The following KLKB1 variants were observed in gnomAD, a reference collection of about 807,000 sequenced individuals.
KLKB1 encodes the protein plasma kallikrein.
A neutral mutation model predicts 73.6 loss-of-function variants in KLKB1; 58 were observed. The observed-to-expected ratio is 0.79, with a 90% CI of 0.64 to 0.98. The LOEUF (loss-of-function observed/expected upper bound fraction) is 0.98, where lower values mean the gene tolerates loss of function less well. Ranked by LOEUF, KLKB1 falls within the 50% of genes least tolerant of loss-of-function variation. The probability of loss-of-function intolerance (pLI) is 0.00; values close to 1 mark genes in which losing one functional copy is unlikely to be tolerated. For missense variants in KLKB1, 737 were observed against 763.8 expected (o/e 0.96, Z 0.41); for synonymous variants, 280 against 258.1 (o/e 1.08, Z -0.81).
chr4:186,258,198 C>A lies in KLKB1; in HGVS notation c.1903C>A (p.Gln635Lys), dbSNP rs1390137184. 6.2e-7 allele frequency: 1 copy of A among 1,613,960 alleles called. No individual in the cohort carries two copies. The highest frequency in any genetic ancestry group is 1.7e-5 in the Admixed American group (1 of 59,986). ...GAGCAGTGATGGAAAAGCTCAGATG[C>A]AGTCACCAGCATGAGAAGCAGTCCA... is the stretch of plus-strand genomic sequence containing the variant. ...TQSSDGKAQMQSPA is the reference protein window; with the variant it reads ...TQSSDGKAQMKSPA Residue 635 changes from glutamine to lysine, a missense_variant, in exon 15 of 15, where the codon CAG (glutamine) becomes AAG (lysine). Coordinates refer to ENST00000264690, the MANE Select transcript of KLKB1 (RefSeq NM_000892.5).
intron 5 of KLKB1, 128 bp from the exon 6 acceptor site, chr4:186,238,128 G>T: frequency 4.2e-6 from 3 of 716,806 alleles, no homozygotes; most frequent in Non-Finnish European, 2.6e-6. Flanking sequence ...TAATAATGCA[G>T]ACCCCTAACC....
rs1324390202 is a variant in KLKB1, at chr4:186,251,222, T to C, written c.762T>C (p.Asn254=). 6.3e-7 allele frequency: 1 copy of C among 1,589,960 alleles called. No individual in the cohort carries two copies. Among genetic ancestry groups the C allele is most frequent in the Non-Finnish European group, 8.6e-7 (1 of 1,159,222 alleles). ...TGCTTTTTTTTAAAAAAAATAGAAA[T>C]GTTTGTCTTCTTAAAACATCTGAAA... ...TNVWKIESQR[N]VCLLKTSESG... Residue 254 remains asparagine (N), a synonymous_variant, in exon 8 of 15, where the codon AAT becomes AAC. Transcript: ENST00000264690.
intron 6 of KLKB1, among the ~76,000 whole-genome samples, chr4:186,242,678 A>G (rs1561457627): frequency 6.6e-6 from 1 of 152,188 alleles, no homozygotes; most frequent in Non-Finnish European, 1.5e-5. Context: ...AGGACCCAGG[A>G]CATCTAATTA....
rs374887125 is a variant in KLKB1 at position 186,257,370 on chromosome 4, C to T, written c.1725+5C>T. The T allele has an allele frequency of 1.6e-4, 255 of 1,572,782 alleles. No individual in the cohort carries two copies. Among genetic ancestry groups the T allele is most frequent in the Admixed American group, 2.8e-4 (16 of 56,858 alleles). The stretch of plus-strand genomic sequence containing the variant: ...GGGGGAAAAGATGCTTGTAAGGTAA[C>T]TCATGAGATTATGAAAAACACAATA... On this transcript the variant is annotated splice_donor_5th_base_variant and intron_variant, in intron 14 of 14. Transcript: ENST00000264690.
chr4:186,258,140 TGAGTACATGGACTG>T lies in KLKB1; in HGVS notation c.1848_1861del (p.Glu616AspfsTer9), dbSNP rs774494579. On this transcript the variant is annotated frameshift_variant, in exon 15 of 15. Coordinates refer to ENST00000264690, the MANE Select transcript of KLKB1 (RefSeq NM_000892.5). LOFTEE classifies it low-confidence loss of function (END_TRUNC). ...AACCTGGTGTCTACACCAAAGTCGCTGAGTACATGGACTGGATTTTAGAGAAAACACAGAGCAGT... is the reference window on the plus strand; with the variant it reads ...AACCTGGTGTCTACACCAAAGTCGCTGATTTTAGAGAAAACACAGAGCAGT... 14 of 1,614,078 alleles carry T rather than the reference TGAGTACATGGACTG, an allele frequency of 8.7e-6. No homozygotes were observed. The African/African-American group carries it at 1.5e-4, about 17-fold the overall frequency.
At chr4:186,233,572 A>C (rs4253340) in intron 3 of KLKB1, among the ~76,000 whole-genome samples, 3,703 of 152,356 alleles carry the variant, frequency 0.024, 156 homozygotes, top group African/African-American at 0.085. Flanking sequence ...GGAGTTAATA[A>C]GCAAGATGAA....
chr4:186,251,790 C>T lies in KLKB1; in HGVS notation c.1073C>T (p.Thr358Ile), dbSNP rs1738691414. 6.2e-6 allele frequency: 10 copies of T among 1,614,022 alleles called. No individual in the cohort carries two copies. The highest frequency in any genetic ancestry group is 1.3e-5 in the African/African-American group (1 of 75,024). Residue 358 changes from threonine to isoleucine, a missense_variant, in exon 10 of 15, where the codon ACT becomes ATT. By Grantham distance (89) the Thr-to-Ile change is moderately conservative (BLOSUM62 -1). Coordinates refer to ENST00000264690, the MANE Select transcript of KLKB1 (RefSeq NM_000892.5). ...FLRLSMDGSP[T>I]RIAYGTQGSS... ...AGATTATCTATGGATGGTTCTCCAA[C>T]TAGGATTGCGTATGGGACACAAGGG...
rs4253248 is a variant in KLKB1 at position 186,234,334 on chromosome 4, G to A, written c.328+276G>A. On this transcript the variant is annotated intron_variant, in intron 4 of 14. Coordinates refer to ENST00000264690, the MANE Select transcript of KLKB1 (RefSeq NM_000892.5). ...AAATGAATCCAAATAATTGTGTCTCGTTTCCAGATAAGAATTTTTAAGAAA... is the reference window on the plus strand; with the variant it reads ...AAATGAATCCAAATAATTGTGTCTCATTTCCAGATAAGAATTTTTAAGAAA... Among the ~76,000 whole-genome samples, 85,289 of 152,010 alleles carry A rather than the reference G, an allele frequency of 0.56. 24,297 individuals are homozygous for A. The highest frequency in any genetic ancestry group is 0.68 in the East Asian group (3,524 of 5,184).
At chr4:186,233,558 A>G (rs1737505134) in intron 3 of KLKB1, among the ~76,000 whole-genome samples, 1 of 152,262 alleles carries the variant, frequency 6.6e-6, no homozygotes. Flanking sequence ...AGTGCAGACT[A>G]CAAGGAGTTA....
At chr4:186,221,525 G>T (rs1399307446), upstream of KLKB1, among the ~76,000 whole-genome samples, 2 of 151,616 alleles carry the variant, frequency 1.3e-5, no homozygotes, top group Non-Finnish European at 2.9e-5. Flanking sequence ...GACATTTTTT[G>T]ATTTTCCTTT....
chr4:186,249,392 C>T (rs1268224673), intron 6 of KLKB1, among the ~76,000 whole-genome samples: 2 of 152,170 alleles, frequency 1.3e-5, no homozygotes. Flanking sequence ...ATTCCATTGT[C>T]TTGAAACCCT....
At chr4:186,218,513 C>A (rs1200656864) in intron 2 of KLKB1, among the ~76,000 whole-genome samples, 3 of 151,888 alleles carry the variant, frequency 2.0e-5, no homozygotes, top group Non-Finnish European at 4.4e-5. Flanking sequence ...TTTTATGTAT[C>A]ATTTACAAAT....
rs201363580 is a variant in KLKB1 at position 186,251,446 on chromosome 4, T to A, written c.869-41T>A. 3 of 1,598,396 alleles carry A rather than the reference T, an allele frequency of 1.9e-6. No homozygotes were observed. The East Asian group carries it at 6.7e-5, about 36-fold the overall frequency. On this transcript the variant is annotated intron_variant, in intron 8 of 14. Transcript: ENST00000264690. ...AACTTGTGTAAATGTCGTTCATTGC[T>A]TTTCCCATCTGATATCTTTTTGTGT...
chr4:186,220,162 G>A (rs902107603), intron 2 of KLKB1, among the ~76,000 whole-genome samples: 1 of 152,086 alleles, frequency 6.6e-6, no homozygotes, highest in Non-Finnish European at 1.5e-5. Flanking sequence ...AGCTAGGGGT[G>A]ATGGTGAGTG....
At chr4:186,256,231 A>G in intron 13 of KLKB1, 144 bp downstream of exon 13, 1 of 690,134 alleles carries the variant, frequency 1.4e-6, no homozygotes, top group Non-Finnish European at 2.6e-6. Context: ...ATATTTATTC[A>G]GTTATTCTTA....
chr4:186,212,716 A>G (rs1736766536), intron 2 of KLKB1: 1 of 152,250 alleles, frequency 6.6e-6, no homozygotes, highest in Non-Finnish European at 1.5e-5. Flanking sequence ...AGGGTAGGAC[A>G]TGTGTTCTTC....
intron 6 of KLKB1, among the ~76,000 whole-genome samples, chr4:186,240,766 G>A (rs907505794): frequency 6.6e-6 from 1 of 152,142 alleles, no homozygotes; most frequent in Non-Finnish European, 1.5e-5. Flanking sequence ...CCAGGTTCAC[G>A]TGTACTGGTG....
chr4:186,240,171 GTATAGT>G (rs1297053994), intron 6 of KLKB1, among the ~76,000 whole-genome samples: 2 of 151,582 alleles, frequency 1.3e-5, no homozygotes, highest in Non-Finnish European at 2.9e-5. Context: ...AGTTACCGTG[GTATAGT>G]TATAGTTAAA....
At chr4:186,217,065 C>T (rs188829315) in intron 2 of KLKB1, among the ~76,000 whole-genome samples, 79 of 152,284 alleles carry the variant, frequency 5.2e-4, no homozygotes, top group African/African-American at 1.7e-3. Context: ...CTACTTACCA[C>T]GCCTCTTTTC....
Sources: allele counts gnomAD v4.1 joint callset (sites outside exome capture counted in the v4.1 genomes callset), GRCh38; gene constraint gnomAD v4.1.1; transcripts MANE v1.5; gene names NCBI Gene and HGNC (gene_info 2026-07-23, HGNC 2026-07-21).